UEVLD: variants seen among roughly 807,000 people sequenced by gnomAD.
The protein encoded by UEVLD is ubiquitin-conjugating enzyme E2 variant 3.
In UEVLD, 47 loss-of-function variants were observed where a neutral mutation model predicts 58.6. That is an observed-to-expected ratio of 0.80 (90% CI 0.63 to 1.02). The LOEUF (loss-of-function observed/expected upper bound fraction) is 1.02. Ranked by LOEUF, UEVLD falls within the 50% of genes least tolerant of loss-of-function variation. The pLI, the probability that UEVLD is intolerant of heterozygous loss-of-function variation, is 0.00. For missense variants in UEVLD, 510 were observed against 550.6 expected (o/e 0.93, Z 0.74); for synonymous variants, 197 against 195.3 (o/e 1.01, Z -0.07).
chr11:18,556,509 C>T (rs1851762967), intron 7 of UEVLD, among the ~76,000 whole-genome samples: 1 of 152,076 alleles, frequency 6.6e-6, no homozygotes, highest in South Asian at 2.1e-4. Flanking sequence ...TACTGTATGT[C>T]TTTATATATT....
chr11:18,537,204 G>T (rs1305449646), intron 9 of UEVLD, among the ~76,000 whole-genome samples: 2 of 149,978 alleles, frequency 1.3e-5, no homozygotes, highest in African/African-American at 4.9e-5. Flanking sequence ...CAGCACCAGG[G>T]TCCTGTTTTC....
intron 7 of UEVLD, among the ~76,000 whole-genome samples, chr11:18,554,952 T>G (rs1851695833): frequency 6.6e-6 from 1 of 152,182 alleles, no homozygotes; most frequent in South Asian, 2.1e-4. Context: ...TCGCCATATC[T>G]CAGAATATAT....
chr11:18,575,265 T>TG lies in UEVLD; in HGVS notation c.193+81dup, dbSNP rs1225952673. On this transcript the variant is annotated intron_variant, in intron 3 of 11. Transcript: ENST00000396197. ...TATATCTGCAATAATACTTTAAGAA[T>TG]GTTATGGCATAAACAAATTTAAGTT... is the stretch of plus-strand genomic sequence containing the variant. 3 of 1,428,398 alleles carry TG rather than the reference T, an allele frequency of 2.1e-6. No individual in the cohort carries two copies. The African/African-American group carries it at 4.3e-5, about 21-fold the overall frequency. 88.5% of individuals were successfully genotyped at this position (1,428,398 alleles called of 1,614,324 possible). A position where few individuals can be genotyped will look rare whatever the true frequency, so the allele number is the denominator to read the frequency against.
chr11:18,571,967 T>C (rs967359949), intron 3 of UEVLD, among the ~76,000 whole-genome samples: 32 of 152,294 alleles, frequency 2.1e-4, no homozygotes, highest in Non-Finnish European at 4.0e-4. Flanking sequence ...CCAGGAGTGA[T>C]GGCTCACGTC....
At chr11:18,540,937 T>C (rs1851028713) in intron 9 of UEVLD, among the ~76,000 whole-genome samples, 2 of 152,220 alleles carry the variant, frequency 1.3e-5, no homozygotes, top group Admixed American at 6.5e-5. Flanking sequence ...GGCCAATAAA[T>C]GTTTCTGAAA....
intron 3 of UEVLD, among the ~76,000 whole-genome samples, chr11:18,572,875 TG>T (rs1356411628): frequency 6.6e-6 from 1 of 151,932 alleles, no homozygotes; most frequent in Non-Finnish European, 1.5e-5. Context: ...ACACACTATA[TG>T]CCAGGCACTA....
At chr11:18,578,606 AT>A in intron 2 of UEVLD, 117 bp downstream of exon 2, 1 of 718,754 alleles carries the variant, frequency 1.4e-6, no homozygotes, top group African/African-American at 1.8e-5. Flanking sequence ...GTCATAAAGT[AT>A]AGCTGAAAAT....
intron 1 of UEVLD, among the ~76,000 whole-genome samples, chr11:18,582,655 A>G (rs1364006847): frequency 1.3e-5 from 2 of 151,908 alleles, no homozygotes; most frequent in Non-Finnish European, 2.9e-5. Flanking sequence ...TACATATTAA[A>G]CAGTGTATCT....
intron 8 of UEVLD, 100 bp downstream of exon 8, chr11:18,546,780 A>G: frequency 7.5e-7 from 1 of 1,337,198 alleles, no homozygotes; most frequent in Non-Finnish European, 1.0e-6. Context: ...TACTGGTGTG[A>G]GCCACTGTGC....
At chr11:18,573,760 G>A (rs377599906) in intron 3 of UEVLD, among the ~76,000 whole-genome samples, 2 of 152,172 alleles carry the variant, frequency 1.3e-5, no homozygotes, top group Non-Finnish European at 2.9e-5. Flanking sequence ...AGTCATGACT[G>A]GGGGTGGGGA....
chr11:18,578,723 C>A lies in UEVLD; in HGVS notation c.127+1G>T, dbSNP rs1488503939. On this transcript the variant is annotated splice_donor_variant, in intron 2 of 11. Coordinates refer to ENST00000396197, the MANE Select transcript of UEVLD (RefSeq NM_001040697.4). LOFTEE classifies it high-confidence loss of function. The stretch of plus-strand genomic sequence containing the variant: ...TTTAAACTAGAGGATATGATTCTTA[C>A]CATAGGTGTCCATGGAATATTTGAA... 2 of 1,595,792 alleles carry A rather than the reference C, an allele frequency of 1.3e-6. No homozygotes were observed. The highest frequency in any genetic ancestry group is 2.7e-5 in the African/African-American group (2 of 74,308).
chr11:18,554,751 G>A (rs1292749402), intron 7 of UEVLD, among the ~76,000 whole-genome samples: 1 of 152,052 alleles, frequency 6.6e-6, no homozygotes, highest in Non-Finnish European at 1.5e-5. Flanking sequence ...ACAAGCATAA[G>A]TGTGTATGTA....
At chr11:18,583,629 G>A (rs1199204475) in intron 1 of UEVLD, among the ~76,000 whole-genome samples, 1 of 5,226 alleles carries the variant, frequency 1.9e-4, no homozygotes, top group Non-Finnish European at 1.0e-3. Context: ...TTTTTAGCAG[G>A]AAGGAATCTT....
intron 9 of UEVLD, among the ~76,000 whole-genome samples, chr11:18,540,335 A>C (rs533954203): frequency 3.9e-5 from 6 of 152,348 alleles, no homozygotes; most frequent in African/African-American, 1.4e-4. Flanking sequence ...AGGTACAATA[A>C]AAAATAATTA....
Position 18,588,720 on chromosome 11 carries a change from A to C in UEVLD, c.-66T>G. ...CCGGACCTTCTTCCGGACTTGCTGC[A>C]GGACGGAAGCCGCTGAGGACCAAAC... is the stretch of plus-strand genomic sequence containing the variant. On this transcript the variant is annotated 5_prime_UTR_variant, in exon 1 of 12. Transcript: ENST00000396197. 2 of 1,565,948 alleles carry C rather than the reference A, an allele frequency of 1.3e-6. No homozygotes were observed. The highest frequency in any genetic ancestry group is 1.1e-5 in the South Asian group (1 of 87,174).
rs1361149214 is a variant in UEVLD at position 18,584,162 on chromosome 11, T to C, written c.42+4451A>G. Among the ~76,000 whole-genome samples the C allele has an allele frequency of 4.6e-5, 7 of 152,288 alleles. No individual in the cohort carries two copies. In the South Asian group the frequency reaches 8.3e-4, roughly 18 times the overall value. On this transcript the variant is annotated intron_variant, in intron 1 of 11. Coordinates refer to ENST00000396197, the MANE Select transcript of UEVLD (RefSeq NM_001040697.4). ...GGACAGTCAAGGACAAAGGATCACTTGAGGCCAGTAGTTTTGAGACCAGCC... is the reference window on the plus strand; with the variant it reads ...GGACAGTCAAGGACAAAGGATCACTCGAGGCCAGTAGTTTTGAGACCAGCC...
chr11:18,546,385 T>C (rs2042101800), intron 8 of UEVLD, among the ~76,000 whole-genome samples: 1 of 152,222 alleles, frequency 6.6e-6, no homozygotes, highest in Admixed American at 6.5e-5. Flanking sequence ...ATGTTAGTCA[T>C]AACAAGTAAC....
chr11:18,573,245 T>G (rs1278634467), intron 3 of UEVLD, among the ~76,000 whole-genome samples: 1 of 152,244 alleles, frequency 6.6e-6, no homozygotes, highest in African/African-American at 2.4e-5. Context: ...GAAATGCTAC[T>G]AAGCAGTAAT....
At position 18,570,223 on chromosome 11, in the gene UEVLD, G is replaced by C; in HGVS notation, c.348C>G (p.Asn116Lys). Reference protein sequence around the residue: ...QGRIYLPYLQNWSHPKSVIVG... With the variant: ...QGRIYLPYLQKWSHPKSVIVG... Reference sequence around the variant, plus strand: ...TCCAAATTGATCTTACATGGCTCCAGTTTTGGAGATAGGGCAAATATATTC... The same window carrying C: ...TCCAAATTGATCTTACATGGCTCCACTTTTGGAGATAGGGCAAATATATTC... Residue 116 changes from asparagine (N) to lysine (K), a missense_variant, in exon 4 of 12, where the codon AAC (asparagine) becomes AAG (lysine). Physicochemically the swap from Asn to Lys is moderately conservative, Grantham distance 94. Coordinates refer to ENST00000396197, the MANE Select transcript of UEVLD (RefSeq NM_001040697.4). 6.3e-7 allele frequency: 1 copy of C among 1,595,864 alleles called. No individual in the cohort carries two copies. Among genetic ancestry groups the C allele is most frequent in the Non-Finnish European group, 8.5e-7 (1 of 1,174,362 alleles).
Sources: gnomAD v4.1 joint callset for allele counts (sites outside exome capture counted in the v4.1 genomes callset) on GRCh38, gnomAD v4.1.1 for gene constraint, MANE v1.5 for transcripts, NCBI Gene and HGNC (gene_info 2026-07-23, HGNC 2026-07-21) for gene names.